Variants in SEMA3A observed in about 807,000 individuals in gnomAD.
The protein encoded by SEMA3A is semaphorin 3A, also known as semaphorin-3A.
SEMA3A carries 29 observed loss-of-function variants against 97.9 expected under a neutral mutation model. The observed-to-expected ratio is 0.30, with a 90% CI of 0.22 to 0.40. The LOEUF is 0.40. Among genes scored for constraint, SEMA3A ranks in the 10% least tolerant of loss-of-function variants. The probability of loss-of-function intolerance (pLI) is 1.00; values close to 1 mark genes in which losing one functional copy is unlikely to be tolerated. For missense variants in SEMA3A, 763 were observed against 951.3 expected (o/e 0.80, Z 2.60); for synonymous variants, 321 against 323.7 (o/e 0.99, Z 0.09).
At chr7:84,377,245 A>AT (rs35434311) in intron 1 of SEMA3A, among the ~76,000 whole-genome samples, 18,390 of 151,800 alleles carry the variant, frequency 0.12, 2,062 homozygotes, top group East Asian at 0.35. Flanking sequence ...GTGGATATCT[A>AT]TTTTTCCTAG....
intron 1 of SEMA3A, among the ~76,000 whole-genome samples, chr7:84,143,931 T>TAA (rs1796379941): frequency 7.1e-6 from 1 of 140,686 alleles, no homozygotes; most frequent in Non-Finnish European, 1.5e-5. Flanking sequence ...TCTCTCTCTC[T>TAA]CTCTCTCTCT....
At chr7:84,264,920 C>A (rs1799951825) in intron 3 of SEMA3A, among the ~76,000 whole-genome samples, 1 of 152,076 alleles carries the variant, frequency 6.6e-6, no homozygotes, top group Non-Finnish European at 1.5e-5. Context: ...ATTTTCTGAA[C>A]CAGGTTTCTT....
intron 1 of SEMA3A, among the ~76,000 whole-genome samples, chr7:84,484,106 C>A (rs1177354432): frequency 2.0e-5 from 3 of 150,642 alleles, no homozygotes; most frequent in Non-Finnish European, 4.4e-5. Context: ...AAGGAAAGTT[C>A]ATAATTTCCA....
At chr7:84,484,718 A>G (rs943254332) in intron 1 of SEMA3A, among the ~76,000 whole-genome samples, 3 of 152,326 alleles carry the variant, frequency 2.0e-5, no homozygotes, top group Admixed American at 6.5e-5. Context: ...AAAGTAGAAT[A>G]CATTCCAAAG....
At chr7:84,083,253 GTTA>G (rs60489296) in intron 4 of SEMA3A, among the ~76,000 whole-genome samples, 1,575 of 151,778 alleles carry the variant, frequency 0.01, 29 homozygotes, top group African/African-American at 0.036. Context: ...ACTATATACT[GTTA>G]TTATATCAAA....
rs552785129 is a variant in SEMA3A, at chr7:83,986,856, T to A, written c.1453-1379A>T. Among the ~76,000 whole-genome samples the A allele has an allele frequency of 6.9e-3, 1,048 of 151,706 alleles. 14 individuals are homozygous for A. The highest frequency in any genetic ancestry group is 0.024 in the African/African-American group (973 of 41,366). ...TTTGAAAGTTAGATGGTACCTCTTA[T>A]GGGGTGGTGATAAGACTGAATGAAT... On this transcript the variant is annotated intron_variant, in intron 12 of 16. Transcript: ENST00000265362.
intron 14 of SEMA3A, among the ~76,000 whole-genome samples, chr7:83,977,570 T>A (rs549137988): frequency 4.3e-4 from 65 of 151,922 alleles, no homozygotes; most frequent in African/African-American, 1.4e-3. Context: ...AAAATAATAA[T>A]CCATTTTTTT....
chr7:84,362,078 T>A (rs921984133), intron 2 of SEMA3A, among the ~76,000 whole-genome samples: 5 of 151,900 alleles, frequency 3.3e-5, no homozygotes, highest in Non-Finnish European at 7.4e-5. Context: ...CTGAAAACAA[T>A]CTCTCTAAGA....
In SEMA3A at chr7:84,041,664, A is replaced by C. The variant is rs114814329; in HGVS notation, c.667+4660T>G. Among the ~76,000 whole-genome samples the C allele has an allele frequency of 4.9e-3, 745 of 152,228 alleles. 5 individuals are homozygous for C. Among genetic ancestry groups the C allele is most frequent in the African/African-American group, 0.018 (730 of 41,564 alleles). On this transcript the variant is annotated intron_variant, in intron 6 of 16. Transcript: ENST00000265362. ...ATACATAATTCAAACGTTTTAAAAT[A>C]CTGCATTCTTGTTTTCTTCTTTCAT...
chr7:84,276,033 C>A (rs918738664), intron 3 of SEMA3A, among the ~76,000 whole-genome samples: 4 of 152,034 alleles, frequency 2.6e-5, no homozygotes, highest in Non-Finnish European at 5.9e-5. Context: ...AAATAACTCA[C>A]TATGTGCCTC....
upstream of SEMA3A, among the ~76,000 whole-genome samples, chr7:84,197,324 G>C (rs1798255006): frequency 6.6e-6 from 1 of 152,076 alleles, no homozygotes; most frequent in African/African-American, 2.4e-5. Flanking sequence ...CTTTTCTGCA[G>C]ATTTTTTATT....
At chr7:84,328,538 T>A (rs1801828188) in intron 2 of SEMA3A, among the ~76,000 whole-genome samples, 1 of 152,056 alleles carries the variant, frequency 6.6e-6, no homozygotes, top group Admixed American at 6.6e-5. Context: ...TTGTAATGCA[T>A]AAAATATTTG....
intron 1 of SEMA3A, among the ~76,000 whole-genome samples, chr7:84,140,457 C>T (rs1366093233): frequency 6.6e-6 from 1 of 152,042 alleles, no homozygotes; most frequent in Non-Finnish European, 1.5e-5. Flanking sequence ...CTCTCTTTTT[C>T]CAAGTTTGGT....
chr7:84,257,987 T>C (rs1452691399), intron 3 of SEMA3A, among the ~76,000 whole-genome samples: 1 of 152,170 alleles, frequency 6.6e-6, no homozygotes, highest in Non-Finnish European at 1.5e-5. Context: ...AGTCAAATGT[T>C]ATTGCAAATA....
intron 3 of SEMA3A, among the ~76,000 whole-genome samples, chr7:84,300,734 G>A (rs1450740812): frequency 2.6e-5 from 4 of 151,732 alleles, no homozygotes; most frequent in African/African-American, 9.7e-5. Context: ...AGGAAGAGAA[G>A]GAACATTGCA....
chr7:84,301,554 T>A (rs1801016816), intron 3 of SEMA3A, among the ~76,000 whole-genome samples: 1 of 152,142 alleles, frequency 6.6e-6, no homozygotes, highest in Non-Finnish European at 1.5e-5. Flanking sequence ...CACATACACA[T>A]TAAAGATTCA....
chr7:84,433,370 T>C (rs895090145), intron 1 of SEMA3A, among the ~76,000 whole-genome samples: 3 of 152,074 alleles, frequency 2.0e-5, no homozygotes, highest in African/African-American at 4.8e-5. Context: ...AATGATGGTT[T>C]CCAGCATCAT....
intron 9 of SEMA3A, 133 bp from the exon 10 acceptor site, chr7:84,007,630 G>C: frequency 2.5e-6 from 2 of 812,492 alleles, no homozygotes; most frequent in South Asian, 4.0e-5. Context: ...ATAATGTTTG[G>C]GATTTTTCTA....
intron 3 of SEMA3A, among the ~76,000 whole-genome samples, chr7:84,116,130 G>T (rs1224205677): frequency 6.6e-6 from 1 of 152,008 alleles, no homozygotes; most frequent in East Asian, 1.9e-4. Context: ...ACCCCATCTT[G>T]CCTAATATCA....
Sources: gnomAD v4.1 joint callset for allele counts (sites outside exome capture counted in the v4.1 genomes callset) on GRCh38, gnomAD v4.1.1 for gene constraint, MANE v1.5 for transcripts, NCBI Gene and HGNC (gene_info 2026-07-23, HGNC 2026-07-21) for gene names.